Variants in ZYG11A observed in about 807,000 individuals in gnomAD.
The protein encoded by ZYG11A is zyg-11 family member A, cell cycle regulator.
In ZYG11A, 62 loss-of-function variants were observed where a neutral mutation model predicts 77.2. The ratio of observed to expected loss-of-function variants is 0.80; its 90% confidence interval spans 0.65 to 0.99. The LOEUF (loss-of-function observed/expected upper bound fraction) is 0.99, where lower values mean the gene tolerates loss of function less well. Ranked by LOEUF, ZYG11A falls within the 50% of genes least tolerant of loss-of-function variation. The probability of loss-of-function intolerance (pLI) is 0.00; values close to 1 mark genes in which losing one functional copy is unlikely to be tolerated. For synonymous variants in ZYG11A, 315 were observed against 324.6 expected, an observed-to-expected ratio of 0.97 and a Z score of 0.32; for missense variants, 828 against 896.8, an observed-to-expected ratio of 0.92 and a Z score of 0.98.
rs868861774 is a variant in ZYG11A, at chr1:52,894,670, A to G, written c.*1713A>G. 6.6e-6 allele frequency: 1 copy of G among 152,274 alleles called. No homozygotes were observed. The highest frequency in any genetic ancestry group is 2.4e-5 in the African/African-American group (1 of 41,474). 9.4% of individuals were successfully genotyped at this position (152,274 alleles called of 1,614,324 possible). A position where few individuals can be genotyped will look rare whatever the true frequency, so the allele number is the denominator to read the frequency against. On this transcript the variant is annotated 3_prime_UTR_variant, in exon 14 of 14. Transcript: ENST00000371528. ...TGGAAATCAAATGAGGAAGAAGCTC[A>G]TTCTCTTACTCTAAACCATGTTCCA... is the stretch of plus-strand genomic sequence containing the variant.
rs1571828507 is a variant in ZYG11A, at chr1:52,847,731, G to A, written c.90+4758G>A. On this transcript the variant is annotated intron_variant, in intron 1 of 13. Coordinates refer to ENST00000371528, the MANE Select transcript of ZYG11A (RefSeq NM_001004339.3). ...TGTTTCCAGGCTGGAGTGCAGTGGCGCGATCTCGGTTCGCTGCAACCTCTG... is the reference window on the plus strand; with the variant it reads ...TGTTTCCAGGCTGGAGTGCAGTGGCACGATCTCGGTTCGCTGCAACCTCTG... Among the ~76,000 whole-genome samples the A allele has an allele frequency of 2.1e-4, 31 of 148,170 alleles. No homozygotes were observed. The South Asian group carries it at 6.5e-3, about 31-fold the overall frequency.
intron 8 of ZYG11A, among the ~76,000 whole-genome samples, chr1:52,869,395 T>G (rs1454130442): frequency 1.3e-5 from 2 of 151,644 alleles, no homozygotes; most frequent in Non-Finnish European, 2.9e-5. Context: ...CCTGCGGCCT[T>G]CCGCAGTGTT....
At position 52,842,842 on chromosome 1, in the gene ZYG11A, C is replaced by T. The variant is rs147122104; in HGVS notation, c.-42C>T. The T allele has an allele frequency of 2.6e-6, 4 of 1,515,094 alleles. No individual in the cohort carries two copies. The highest frequency in any genetic ancestry group is 1.8e-4 in the Middle Eastern group (1 of 5,522). The allele number at this position is 1,515,094 out of a possible 1,614,324, so 93.9% of individuals were successfully genotyped here. On this transcript the variant is annotated 5_prime_UTR_variant, in exon 1 of 14. Transcript: ENST00000371528. ...TTCTCGCGGGATCCGGGCTCCGGCT[C>T]GACGCCGGCTCTCTTTTTGACGCCC... is the stretch of plus-strand genomic sequence containing the variant.
rs1377982301 is a variant in ZYG11A, at chr1:52,864,026, C to A, written c.1195C>A (p.Gln399Lys). The A allele has an allele frequency of 5.2e-6, 8 of 1,551,664 alleles. No individual in the cohort carries two copies. Among genetic ancestry groups the A allele is most frequent in the Admixed American group, 2.0e-5 (1 of 50,986 alleles). ...GAATCACCCATTGGATTTGCGAGTG[C>A]AGTTCACAGCCAGTGCTTGCGCTCT... The part of the protein sequence containing the change: ...MRNHPLDLRV[Q>K]FTASACALNL... Residue 399 changes from glutamine to lysine, a missense_variant, in exon 5 of 14, where the codon CAG becomes AAG. By Grantham distance (53) the Gln-to-Lys change is moderately conservative. Coordinates refer to ENST00000371528, the MANE Select transcript of ZYG11A (RefSeq NM_001004339.3).
At chr1:52,892,672 C>G in intron 13 of ZYG11A, 110 bp from the exon 14 acceptor site, 3 of 951,518 alleles carry the variant, frequency 3.2e-6, no homozygotes, top group Non-Finnish European at 4.7e-6. Flanking sequence ...AATTCCTAGG[C>G]CAAAGAGCTT....
At chr1:52,881,015 A>T (rs1646354354) in intron 10 of ZYG11A, among the ~76,000 whole-genome samples, 1 of 152,232 alleles carries the variant, frequency 6.6e-6, no homozygotes, top group South Asian at 2.1e-4. Context: ...AACATATAAA[A>T]TAAAATACTG....
chr1:52,842,874 C>G lies in ZYG11A; in HGVS notation c.-10C>G, dbSNP rs1645474797. On this transcript the variant is annotated 5_prime_UTR_variant, in exon 1 of 14. Coordinates refer to ENST00000371528, the MANE Select transcript of ZYG11A (RefSeq NM_001004339.3). ...GGCTCTCTTTTTGACGCCCCGCCGC[C>G]GGGGTTGCCATGGTTCATTTCTTGC... The G allele has an allele frequency of 6.5e-7, 1 of 1,529,154 alleles. No individual in the cohort carries two copies. The highest frequency in any genetic ancestry group is 8.8e-7 in the Non-Finnish European group (1 of 1,137,642). 94.7% of individuals were successfully genotyped at this position (1,529,154 alleles called of 1,614,324 possible).
At chr1:52,875,107 G>T (rs1374345299) in intron 8 of ZYG11A, among the ~76,000 whole-genome samples, 1 of 152,192 alleles carries the variant, frequency 6.6e-6, no homozygotes, top group Admixed American at 6.5e-5. Context: ...AGCTGAGAGT[G>T]GGTGTTTTAG....
At chr1:52,876,136 GGA>G (rs1321958569) in intron 8 of ZYG11A, among the ~76,000 whole-genome samples, 1 of 152,224 alleles carries the variant, frequency 6.6e-6, no homozygotes, top group Non-Finnish European at 1.5e-5. Context: ...TCAAGTTTGA[GGA>G]GAGAGAATTA....
rs1196318492 is a variant in ZYG11A at position 52,877,946 on chromosome 1, C to G, written c.1726C>G (p.Gln576Glu). Residue 576 changes from glutamine (Q) to glutamate (E), a missense_variant, in exon 10 of 14, where the codon CAA (glutamine) becomes GAA (glutamate). Gln to Glu is a conservative substitution (Grantham distance 29). Coordinates refer to ENST00000371528, the MANE Select transcript of ZYG11A (RefSeq NM_001004339.3). ...VLETFSESAI[Q>E]SKVLGLLNNI... is the part of the protein sequence containing the mutation. ...ACAGACCTTTTCAGAGTCAGCAATA[C>G]AAAGCAAAGTACTTGGTCTTTTGGT... is the stretch of plus-strand genomic sequence containing the variant. 6.4e-7 allele frequency: 1 copy of G among 1,551,584 alleles called. No individual in the cohort carries two copies. The highest frequency in any genetic ancestry group is 1.2e-5 in the South Asian group (1 of 84,054).
At chr1:52,843,717 T>A (rs576079397) in intron 1 of ZYG11A, among the ~76,000 whole-genome samples, 2 of 142,234 alleles carry the variant, frequency 1.4e-5, no homozygotes, top group Admixed American at 7.1e-5. Context: ...AGACGGAGTC[T>A]CGCTCTGTCA....
intron 11 of ZYG11A, among the ~76,000 whole-genome samples, chr1:52,885,031 C>T (rs1646424928): frequency 6.6e-6 from 1 of 152,078 alleles, no homozygotes; most frequent in Non-Finnish European, 1.5e-5. Flanking sequence ...GCCTCAGTCT[C>T]CTGAGTAGCT....
At chr1:52,844,282 T>C (rs1441651948) in intron 1 of ZYG11A, among the ~76,000 whole-genome samples, 2 of 152,216 alleles carry the variant, frequency 1.3e-5, no homozygotes, top group African/African-American at 2.4e-5. Flanking sequence ...TGGAAGACTT[T>C]GTGCCCTGCA....
rs1253953251 is a variant in ZYG11A, at chr1:52,892,920, A to G, written c.2243A>G (p.Asn748Ser). 2 of 1,551,874 alleles carry G rather than the reference A, an allele frequency of 1.3e-6. No individual in the cohort carries two copies. The change falls in exon 14 of 14, where the codon AAT becomes AGT. Residue 748 changes from asparagine to serine, a missense_variant. Asn to Ser is a conservative substitution (Grantham distance 46). Transcript: ENST00000371528. ...ILDDFRMHFM[N>S]YQRPTLCQMP... ...GATGACTTCAGAATGCATTTCATGA[A>G]TTATCAGAGGCCCACTCTGTGTCAA...
intron 1 of ZYG11A, among the ~76,000 whole-genome samples, chr1:52,849,338 G>T (rs1396589291): frequency 6.6e-6 from 1 of 151,914 alleles, no homozygotes; most frequent in African/African-American, 2.4e-5. Flanking sequence ...AAAGTGCTGG[G>T]ATTACAGGTG....
chr1:52,852,730 T>C (rs12758406), intron 1 of ZYG11A, among the ~76,000 whole-genome samples: 1 of 152,186 alleles, frequency 6.6e-6, no homozygotes, highest in African/African-American at 2.4e-5. Context: ...AAAACCCTTG[T>C]AAATTTAAAA....
chr1:52,881,672 G>A lies in ZYG11A; in HGVS notation c.1944+7G>A, dbSNP rs907823163. The A allele has an allele frequency of 6.5e-7, 1 of 1,535,908 alleles. No individual in the cohort carries two copies. Among genetic ancestry groups the A allele is most frequent in the African/African-American group, 1.4e-5 (1 of 72,430 alleles). On this transcript the variant is annotated splice_region_variant and intron_variant, in intron 11 of 13. Coordinates refer to ENST00000371528, the MANE Select transcript of ZYG11A (RefSeq NM_001004339.3). ...TACTCTTCTCCAAGATCTGGTACAG[G>A]AACCACATTCTTATTTATAAAATCC...
intron 13 of ZYG11A, among the ~76,000 whole-genome samples, chr1:52,888,847 A>C (rs970448138): frequency 6.6e-6 from 1 of 152,162 alleles, no homozygotes; most frequent in Non-Finnish European, 1.5e-5. Context: ...GAAGGAAAGA[A>C]ATGTGGTTTT....
chr1:52,860,964 C>A lies in ZYG11A; in HGVS notation c.1149+93C>A. 9.5e-6 allele frequency: 12 copies of A among 1,261,568 alleles called. No individual in the cohort carries two copies. The South Asian group carries it at 1.6e-4, about 17-fold the overall frequency. The allele number at this position is 1,261,568 out of a possible 1,614,324, so 78.1% of individuals were successfully genotyped here. On this transcript the variant is annotated intron_variant, in intron 4 of 13. Transcript: ENST00000371528. ...CACACTGAATATAATAAATTATATG[C>A]TTTATTCTATAGTGAGTCAAGTGCT...
Sources: allele counts gnomAD v4.1 joint callset (sites outside exome capture counted in the v4.1 genomes callset), GRCh38; gene constraint gnomAD v4.1.1; transcripts MANE v1.5; gene names NCBI Gene and HGNC (gene_info 2026-07-23, HGNC 2026-07-21).